Variants in SPTLC2 observed in about 807,000 individuals in gnomAD.
The protein encoded by SPTLC2 is serine palmitoyltransferase long chain base subunit 2, also known as serine palmitoyltransferase 2.
Under a neutral mutation model 62.0 loss-of-function variants are expected in SPTLC2, and 21 were observed. The observed-to-expected ratio is 0.34, with a 90% confidence interval of 0.24 to 0.49. SPTLC2 has a LOEUF of 0.49. SPTLC2 is among the 20% of genes least tolerant of loss of function. The probability of loss-of-function intolerance (pLI) is 0.99; values close to 1 mark genes in which losing one functional copy is unlikely to be tolerated. For missense variants in SPTLC2, 511 were observed against 713.0 expected (o/e 0.72, Z 3.23); for synonymous variants, 261 against 261.8 (o/e 1.00, Z 0.03).
intron 1 of SPTLC2, 139 bp downstream of exon 1, chr14:77,616,309 C>T (rs1279338412): frequency 4.8e-6 from 2 of 414,614 alleles, no homozygotes; most frequent in Non-Finnish European, 7.5e-6. Context: ...GGCCAGCGGC[C>T]GGACACTGCC....
chr14:77,595,679 T>C (rs894061301), intron 2 of SPTLC2, among the ~76,000 whole-genome samples: 1 of 152,208 alleles, frequency 6.6e-6, no homozygotes, highest in Non-Finnish European at 1.5e-5. Context: ...GTTTTCGTGA[T>C]ATACTCTTCC....
intron 9 of SPTLC2, among the ~76,000 whole-genome samples, chr14:77,537,997 T>C (rs111459824): frequency 2.6e-5 from 4 of 152,336 alleles, no homozygotes; most frequent in African/African-American, 9.6e-5. Context: ...ACTTCCCTTG[T>C]TGTTTCCAAT....
Position 77,556,950 on chromosome 14 carries a change from G to A in SPTLC2, c.956+91C>T. Reference sequence around the variant, plus strand: ...ATAAACACTGTCTCCTTAGTTTCCAGAGGGGGATAGACTAATGTTCCCTTC... The same window carrying A: ...ATAAACACTGTCTCCTTAGTTTCCAAAGGGGGATAGACTAATGTTCCCTTC... On this transcript the variant is annotated intron_variant, in intron 7 of 11. Transcript: ENST00000216484. 3.0e-6 allele frequency: 3 copies of A among 1,006,230 alleles called. No homozygotes were observed. The South Asian group carries it at 3.9e-5, about 13-fold the overall frequency. 62.3% of individuals were successfully genotyped at this position (1,006,230 alleles called of 1,614,324 possible).
At chr14:77,583,915 G>C (rs1452397144) in intron 2 of SPTLC2, among the ~76,000 whole-genome samples, 1 of 152,208 alleles carries the variant, frequency 6.6e-6, no homozygotes, top group Admixed American at 6.5e-5. Context: ...CATTCTTCCT[G>C]AAGATCCTCA....
intron 2 of SPTLC2, among the ~76,000 whole-genome samples, chr14:77,583,704 T>C (rs1382486985): frequency 6.6e-6 from 1 of 152,182 alleles, no homozygotes; most frequent in East Asian, 1.9e-4. Flanking sequence ...GGCACTAAAC[T>C]GGGCACTGGG....
In SPTLC2 at chr14:77,510,052, T is replaced by A; in HGVS notation, c.*2232A>T. ...TAACTGCAGTGCAAAAGCTATGTGGTATTCCAGTGGGATTCTATGGTAGGA... is the reference window on the plus strand; with the variant it reads ...TAACTGCAGTGCAAAAGCTATGTGGAATTCCAGTGGGATTCTATGGTAGGA... On this transcript the variant is annotated 3_prime_UTR_variant, in exon 12 of 12. Transcript: ENST00000216484. 1 of 397,672 alleles carries A rather than the reference T, an allele frequency of 2.5e-6. No individual in the cohort carries two copies. Among genetic ancestry groups the A allele is most frequent in the Non-Finnish European group, 4.4e-6 (1 of 225,586 alleles). 24.6% of individuals were successfully genotyped at this position (397,672 alleles called of 1,614,324 possible). A position where few individuals can be genotyped will look rare whatever the true frequency, so the allele number is the denominator to read the frequency against.
intron 8 of SPTLC2, among the ~76,000 whole-genome samples, chr14:77,553,498 G>A (rs959497897): frequency 6.6e-6 from 1 of 152,042 alleles, no homozygotes; most frequent in South Asian, 2.1e-4. Flanking sequence ...TTGGGAGGCC[G>A]AGGCGGGCAG....
At chr14:77,533,278 T>A (rs1312744034) in intron 9 of SPTLC2, among the ~76,000 whole-genome samples, 1 of 132,218 alleles carries the variant, frequency 7.6e-6, no homozygotes, top group Non-Finnish European at 1.5e-5. Context: ...CTAGCATGGG[T>A]GACAAGAGCG....
chr14:77,538,714 G>A (rs2079483666), intron 9 of SPTLC2, among the ~76,000 whole-genome samples: 1 of 152,108 alleles, frequency 6.6e-6, no homozygotes, highest in Non-Finnish European at 1.5e-5. Context: ...GGGATTACAG[G>A]CATGCGTCAC....
intron 8 of SPTLC2, among the ~76,000 whole-genome samples, chr14:77,553,597 G>A (rs1365973164): frequency 6.6e-6 from 1 of 151,908 alleles, no homozygotes; most frequent in African/African-American, 2.4e-5. Context: ...TGGGCATGGT[G>A]GCACGTGCCT....
intron 1 of SPTLC2, among the ~76,000 whole-genome samples, chr14:77,605,926 C>A (rs1458875415): frequency 1.3e-5 from 2 of 152,260 alleles, no homozygotes; most frequent in Non-Finnish European, 2.9e-5. Flanking sequence ...CAGTCCAACT[C>A]AGTTGTTTGG....
At chr14:77,551,220 C>T (rs1179067884) in intron 9 of SPTLC2, among the ~76,000 whole-genome samples, 2 of 151,922 alleles carry the variant, frequency 1.3e-5, no homozygotes, top group East Asian at 1.9e-4. Flanking sequence ...GGTGAAATCC[C>T]GTCTCTATTA....
intron 8 of SPTLC2, among the ~76,000 whole-genome samples, chr14:77,553,859 G>C (rs1306144522): frequency 6.6e-6 from 1 of 152,020 alleles, no homozygotes; most frequent in Non-Finnish European, 1.5e-5. Flanking sequence ...CTGTTGCCCA[G>C]GCTGCAATGC....
chr14:77,536,283 TG>T (rs2079469762), intron 9 of SPTLC2, among the ~76,000 whole-genome samples: 1 of 151,476 alleles, frequency 6.6e-6, no homozygotes, highest in Non-Finnish European at 1.5e-5. Flanking sequence ...TGATTAATTT[TG>T]TTATATATAT....
intron 5 of SPTLC2, among the ~76,000 whole-genome samples, chr14:77,564,458 T>A (rs1566781769): frequency 6.7e-6 from 1 of 149,302 alleles, no homozygotes; most frequent in Non-Finnish European, 1.5e-5. Context: ...CACAGATGTG[T>A]GTGTATGCAT....
At chr14:77,581,337 A>C (rs954561604) in intron 2 of SPTLC2, among the ~76,000 whole-genome samples, 6 of 151,606 alleles carry the variant, frequency 4.0e-5, no homozygotes, top group Non-Finnish European at 7.4e-5. Flanking sequence ...CAGTAGATAA[A>C]TCTTATAAAT....
rs765618860 is a variant in SPTLC2, at chr14:77,518,369, A to G, written c.1440-202T>C. ...GTCAATCCTAAAGCAGTCTTCTCCT[A>G]TATGGTGTCCTTCACAAAACTGAAA... On this transcript the variant is annotated intron_variant, in intron 10 of 11. Transcript: ENST00000216484. Among the ~76,000 whole-genome samples, 12 of 152,160 alleles carry G rather than the reference A, an allele frequency of 7.9e-5. 1 individual carries two copies. Among genetic ancestry groups the G allele is most frequent in the Non-Finnish European group, 7.3e-5 (5 of 68,036 alleles).
At chr14:77,573,095 C>T (rs936905390) in intron 4 of SPTLC2, among the ~76,000 whole-genome samples, 3 of 152,094 alleles carry the variant, frequency 2.0e-5, no homozygotes, top group African/African-American at 7.2e-5. Flanking sequence ...CGCTTTTGGC[C>T]TATGTCAGCT....
intron 1 of SPTLC2, among the ~76,000 whole-genome samples, chr14:77,608,620 T>C (rs1323772639): frequency 6.6e-6 from 1 of 152,100 alleles, no homozygotes; most frequent in Non-Finnish European, 1.5e-5. Context: ...CTGTATCAGA[T>C]CACACTGCTA....
Sources: gnomAD v4.1 joint callset for allele counts (sites outside exome capture counted in the v4.1 genomes callset) on GRCh38, gnomAD v4.1.1 for gene constraint, MANE v1.5 for transcripts, NCBI Gene and HGNC (gene_info 2026-07-23, HGNC 2026-07-21) for gene names.